Variants in MARCHF1 observed in about 807,000 individuals in gnomAD.
MARCHF1 encodes membrane associated ring-CH-type finger 1.
MARCHF1 carries 40 observed loss-of-function variants against 54.2 expected under a neutral mutation model. The ratio of observed to expected loss-of-function variants is 0.74; its 90% confidence interval spans 0.57 to 0.96. The LOEUF (loss-of-function observed/expected upper bound fraction) is 0.96, where lower values mean the gene tolerates loss of function less well. MARCHF1 is among the 40% of genes least tolerant of loss of function. The pLI is 0.00. For missense variants in MARCHF1, 586 were observed against 656.5 expected (o/e 0.89, Z 1.17); for synonymous variants, 236 against 236.3 (o/e 1.00, Z 0.01).
chr4:163,664,708 A>G (rs1163790858), intron 5 of MARCHF1, among the ~76,000 whole-genome samples: 1 of 152,114 alleles, frequency 6.6e-6, no homozygotes, highest in Non-Finnish European at 1.5e-5. Flanking sequence ...ATAAATCAGC[A>G]TTATAAATAA....
intron 2 of MARCHF1, among the ~76,000 whole-genome samples, chr4:164,012,207 G>A (rs1753436370): frequency 6.6e-6 from 1 of 152,004 alleles, no homozygotes; most frequent in South Asian, 2.1e-4. Context: ...AGGGAACTTG[G>A]GGTGCAACAC....
At position 163,970,382 on chromosome 4, in the gene MARCHF1, C is replaced by T. The variant is rs554657377; in HGVS notation, c.-39+18119G>A. Among the ~76,000 whole-genome samples, 3 of 152,222 alleles carry T rather than the reference C, an allele frequency of 2.0e-5. No individual in the cohort carries two copies. In the East Asian group the frequency reaches 5.8e-4, roughly 29 times the overall value. On this transcript the variant is annotated intron_variant, in intron 3 of 9. Coordinates refer to ENST00000514618, the MANE Select transcript of MARCHF1 (RefSeq NM_001394959.1). ...CACTCAGGCCACCTGGGAAATACAC[C>T]GAGTCATCCATTAACTCTTTCAAAA...
chr4:163,988,059 C>T (rs1416262410), intron 3 of MARCHF1, among the ~76,000 whole-genome samples: 1 of 152,164 alleles, frequency 6.6e-6, no homozygotes, highest in African/African-American at 2.4e-5. Flanking sequence ...TCATAACTGG[C>T]TTCTCTGTCC....
chr4:163,777,970 T>C (rs1381972931), intron 4 of MARCHF1, among the ~76,000 whole-genome samples: 1 of 152,214 alleles, frequency 6.6e-6, no homozygotes, highest in African/African-American at 2.4e-5. Context: ...ACCACTGAAC[T>C]GTTTTCTATG....
At chr4:164,078,065 T>C (rs1199065777) in intron 2 of MARCHF1, among the ~76,000 whole-genome samples, 1 of 152,176 alleles carries the variant, frequency 6.6e-6, no homozygotes, top group Non-Finnish European at 1.5e-5. Flanking sequence ...CATTCCACTA[T>C]AAAGACACAT....
chr4:164,189,293 G>C, intron 1 of MARCHF1: 1 of 594,612 alleles, frequency 1.7e-6, no homozygotes. Context: ...CATCAAGCAA[G>C]AATTGAAATT....
chr4:164,232,810 T>C (rs1331386482), intron 1 of MARCHF1, among the ~76,000 whole-genome samples: 1 of 152,186 alleles, frequency 6.6e-6, no homozygotes, highest in Non-Finnish European at 1.5e-5. Context: ...CTCTATATCT[T>C]CAATTTCAGT....
At chr4:163,901,129 A>C (rs1030468888) in intron 3 of MARCHF1, among the ~76,000 whole-genome samples, 2 of 152,182 alleles carry the variant, frequency 1.3e-5, no homozygotes, top group Non-Finnish European at 2.9e-5. Context: ...AGTAGTAAAG[A>C]GACAATCTGG....
chr4:163,746,497 T>A (rs561566657), intron 4 of MARCHF1, among the ~76,000 whole-genome samples: 1 of 152,248 alleles, frequency 6.6e-6, no homozygotes, highest in African/African-American at 2.4e-5. Context: ...TTTGTGGAAA[T>A]AAGTTTTCAG....
intron 1 of MARCHF1, among the ~76,000 whole-genome samples, chr4:164,328,529 G>T (rs1735342312): frequency 6.6e-6 from 1 of 151,742 alleles, no homozygotes; most frequent in Non-Finnish European, 1.5e-5. Context: ...CGAGTCATAT[G>T]AAATTTTTTT....
At position 163,528,873 on chromosome 4, in the gene MARCHF1, C is replaced by G. The variant is rs1579030840; in HGVS notation, c.1513G>C (p.Glu505Gln). The change falls in exon 10 of 10, where the codon GAG (glutamate) becomes CAG (glutamine). Residue 505 changes from glutamate to glutamine, a missense_variant. Transcript: ENST00000514618. The part of the protein sequence containing the change: ...QNCPDTAKKL[E>Q]KNFSCNVNTD... ...TTTACATTACATGAGAAGTTCTTCT[C>G]CAGTTTTTTGGCAGTGTCTGGGCAA... 2.5e-6 allele frequency: 4 copies of G among 1,613,314 alleles called. No individual in the cohort carries two copies. The East Asian group carries it at 6.7e-5, about 27-fold the overall frequency.
intron 1 of MARCHF1, among the ~76,000 whole-genome samples, chr4:164,324,396 T>C (rs1298293407): frequency 2.0e-5 from 3 of 151,772 alleles, no homozygotes; most frequent in Non-Finnish European, 4.4e-5. Flanking sequence ...TTATTGAACA[T>C]TGATGTGAAG....
chr4:163,657,651 CT>C (rs1219268167), intron 5 of MARCHF1, among the ~76,000 whole-genome samples: 1 of 152,078 alleles, frequency 6.6e-6, no homozygotes, highest in Non-Finnish European at 1.5e-5. Context: ...TGCTTCTGGA[CT>C]TCAAACTATA....
intron 4 of MARCHF1, among the ~76,000 whole-genome samples, chr4:163,820,008 A>C (rs1425050228): frequency 1.3e-5 from 2 of 152,080 alleles, no homozygotes; most frequent in Non-Finnish European, 2.9e-5. Context: ...CTAAATCAAT[A>C]ATTTTTAAAA....
intron 1 of MARCHF1, among the ~76,000 whole-genome samples, chr4:164,314,944 C>CT (rs1734957722): frequency 6.6e-6 from 1 of 152,224 alleles, no homozygotes; most frequent in East Asian, 1.9e-4. Flanking sequence ...GCTAAAAACT[C>CT]TTATCTGTAA....
chr4:163,890,091 A>ATTTTTTT (rs565005714), intron 3 of MARCHF1, among the ~76,000 whole-genome samples: 1 of 136,596 alleles, frequency 7.3e-6, no homozygotes. Context: ...TGCCCGGCTA[A>ATTTTTTT]TTTTTTTTTT....
intron 1 of MARCHF1, among the ~76,000 whole-genome samples, chr4:164,161,071 T>A (rs1730220916): frequency 6.6e-6 from 1 of 152,124 alleles, no homozygotes. Context: ...GTGTGTCCCC[T>A]CCAAATCTCA....
In MARCHF1 at chr4:164,313,348, C is replaced by CAAAAAAAAAA. The variant is rs553280791; in HGVS notation, c.-323+70512_-323+70521dup. 1.3e-3 allele frequency among the ~76,000 whole-genome samples: 108 copies of CAAAAAAAAAA among 80,208 alleles called. 2 individuals are homozygous for CAAAAAAAAAA. The East Asian group carries it at 0.016, about 12-fold the overall frequency. 52.6% of individuals were successfully genotyped at this position (80,208 alleles called of 152,430 possible). The stretch of plus-strand genomic sequence containing the variant: ...TGGGTGGCAGAGCAAGACTCTGTCT[C>CAAAAAAAAAA]AAAAAAAAAAAAAAAAAAAGTGTAG... On this transcript the variant is annotated intron_variant, in intron 1 of 9. Transcript: ENST00000514618.
At chr4:164,307,312 G>C (rs1048735744) in intron 1 of MARCHF1, among the ~76,000 whole-genome samples, 3 of 152,216 alleles carry the variant, frequency 2.0e-5, no homozygotes, top group African/African-American at 7.2e-5. Flanking sequence ...CATAGTAAGG[G>C]AGTAGCCAAA....
Sources: allele counts gnomAD v4.1 joint callset (sites outside exome capture counted in the v4.1 genomes callset), GRCh38; gene constraint gnomAD v4.1.1; transcripts MANE v1.5; gene names NCBI Gene and HGNC (gene_info 2026-07-23, HGNC 2026-07-21).